The following ARID4B variants were observed in gnomAD, a reference collection of about 807,000 sequenced individuals.
The protein encoded by ARID4B is AT-rich interaction domain 4B.
ARID4B carries 26 observed loss-of-function variants against 147.5 expected under a neutral mutation model. The observed-to-expected ratio is 0.18, with a 90% CI of 0.13 to 0.24. The LOEUF (loss-of-function observed/expected upper bound fraction) is 0.24, where lower values mean the gene tolerates loss of function less well. Among genes scored for constraint, ARID4B ranks in the 10% least tolerant of loss-of-function variants. The pLI is 1.00. For synonymous variants in ARID4B, 512 were observed against 507.9 expected (o/e 1.01, Z -0.11); for missense variants, 1,179 against 1,511.5 (o/e 0.78, Z 3.65).
chr1:235,327,125 C>T lies in ARID4B; in HGVS notation c.-49-157G>A, dbSNP rs1572255927. 5 of 589,342 alleles carry T rather than the reference C, an allele frequency of 8.5e-6. No homozygotes were observed. The East Asian group carries it at 1.2e-4, about 14-fold the overall frequency. The allele number at this position is 589,342 out of a possible 1,614,324, so 36.5% of individuals were successfully genotyped here. A position where few individuals can be genotyped will look rare whatever the true frequency, so the allele number is the denominator to read the frequency against. On this transcript the variant is annotated intron_variant, in intron 1 of 23. Coordinates refer to ENST00000264183, the MANE Select transcript of ARID4B (RefSeq NM_016374.6). ...ATCACACGCCGACTCGGGGCTCCCT[C>T]CGGCCCCGCCATCCCCGCAAACCCA... is the stretch of plus-strand genomic sequence containing the variant.
At chr1:235,189,727 A>T (rs529949890) in intron 19 of ARID4B, among the ~76,000 whole-genome samples, 156 of 146,542 alleles carry the variant, frequency 1.1e-3, no homozygotes, top group African/African-American at 3.4e-3. Flanking sequence ...AGTGAAACAC[A>T]GTCTCAATTA....
chr1:235,309,653 G>A (rs1439149489), intron 2 of ARID4B, among the ~76,000 whole-genome samples: 45 of 102,740 alleles, frequency 4.4e-4, no homozygotes, highest in Admixed American at 5.3e-4. Context: ...CTGCCCGGCC[G>A]CCACCCCGTC....
chr1:235,261,753 C>G (rs1009889411), intron 2 of ARID4B, among the ~76,000 whole-genome samples: 1 of 152,120 alleles, frequency 6.6e-6, no homozygotes, highest in African/African-American at 2.4e-5. Flanking sequence ...GCTGCTCTTA[C>G]GTTTTACATT....
At chr1:235,319,471 A>C (rs1204444068) in intron 2 of ARID4B, among the ~76,000 whole-genome samples, 1 of 152,228 alleles carries the variant, frequency 6.6e-6, no homozygotes, top group East Asian at 1.9e-4. Flanking sequence ...TGATTGCGCC[A>C]CTACACTCCT....
chr1:235,244,742 C>T (rs1042550196), intron 7 of ARID4B, among the ~76,000 whole-genome samples: 2 of 152,102 alleles, frequency 1.3e-5, no homozygotes, highest in African/African-American at 4.8e-5. Flanking sequence ...TACAAAAATA[C>T]ATTTTAAATG....
chr1:235,215,547 A>ATATATGTGTGTG lies in ARID4B; in HGVS notation c.1584-1522_1584-1521insCACACACATATA, dbSNP rs1553293242. On this transcript the variant is annotated intron_variant, in intron 16 of 23. Transcript: ENST00000264183. ...TATATTACACCATGCACACATATAT[A>ATATATGTGTGTG]TGTGTGTGTGTGTGTGTGTGTGTGT... is the stretch of plus-strand genomic sequence containing the variant. Among the ~76,000 whole-genome samples, 10 of 136,498 alleles carry ATATATGTGTGTG rather than the reference A, an allele frequency of 7.3e-5. No individual in the cohort carries two copies. In the South Asian group the frequency reaches 2.5e-3, roughly 35 times the overall value. 89.5% of individuals were successfully genotyped at this position (136,498 alleles called of 152,430 possible). A position where few individuals can be genotyped will look rare whatever the true frequency, so the allele number is the denominator to read the frequency against.
intron 16 of ARID4B, among the ~76,000 whole-genome samples, chr1:235,215,774 G>A (rs1393289117): frequency 6.6e-6 from 1 of 151,546 alleles, no homozygotes; most frequent in Admixed American, 6.6e-5. Flanking sequence ...TTTTTGTAGA[G>A]ACAGGGGTCT....
chr1:235,173,826 C>CAT (rs59203627), intron 22 of ARID4B, among the ~76,000 whole-genome samples: 28,686 of 80,728 alleles, frequency 0.36, 5,359 homozygotes, highest in South Asian at 0.58. Flanking sequence ...ATACCTAAAA[C>CAT]ATATATATAT....
At chr1:235,216,766 G>C (rs933381555) in intron 16 of ARID4B, among the ~76,000 whole-genome samples, 4 of 150,358 alleles carry the variant, frequency 2.7e-5, no homozygotes, top group African/African-American at 9.8e-5. Flanking sequence ...ATTATTATGA[G>C]GAATTTTATT....
chr1:235,227,268 T>C (rs1392506717), intron 11 of ARID4B, among the ~76,000 whole-genome samples: 1 of 152,146 alleles, frequency 6.6e-6, no homozygotes, highest in African/African-American at 2.4e-5. Flanking sequence ...AATTGGACTA[T>C]AAAGGAGATT....
At chr1:235,253,357 T>C (rs570202418) in intron 5 of ARID4B, among the ~76,000 whole-genome samples, 6 of 152,318 alleles carry the variant, frequency 3.9e-5, no homozygotes, top group Non-Finnish European at 8.8e-5. Context: ...TCCTGGCCTC[T>C]ACCCACTAGA....
chr1:235,309,281 GCCGCC>G (rs1673836738), intron 2 of ARID4B, among the ~76,000 whole-genome samples: 1 of 75,942 alleles, frequency 1.3e-5, no homozygotes, highest in Non-Finnish European at 2.8e-5. Context: ...CCGCCCGGCA[GCCGCC>G]CCATCTGAGA....
intron 9 of ARID4B, among the ~76,000 whole-genome samples, chr1:235,233,004 A>C (rs1668339410): frequency 6.6e-6 from 1 of 151,972 alleles, no homozygotes; most frequent in Non-Finnish European, 1.5e-5. Context: ...TGCCTGGCTA[A>C]TTTTTGTATT....
At chr1:235,181,398 C>A in intron 20 of ARID4B, 187 bp downstream of exon 20, 1 of 822,026 alleles carries the variant, frequency 1.2e-6, no homozygotes, top group Non-Finnish European at 1.8e-6. Flanking sequence ...CACATTAAAG[C>A]CTTCTCAAGC....
intron 6 of ARID4B, among the ~76,000 whole-genome samples, chr1:235,247,359 G>A (rs1669361305): frequency 6.6e-6 from 1 of 152,094 alleles, no homozygotes; most frequent in African/African-American, 2.4e-5. Context: ...TATGTAAAAA[G>A]AAATGTTATA....
chr1:235,254,510 A>C (rs1218823205), intron 5 of ARID4B, among the ~76,000 whole-genome samples: 1 of 151,952 alleles, frequency 6.6e-6, no homozygotes, highest in Non-Finnish European at 1.5e-5. Flanking sequence ...AATTTGAAGA[A>C]TACATTAGAA....
intron 23 of ARID4B, among the ~76,000 whole-genome samples, chr1:235,170,406 T>C (rs900487410): frequency 3.3e-5 from 5 of 152,128 alleles, no homozygotes; most frequent in Admixed American, 6.6e-5. Flanking sequence ...AGATATGATA[T>C]GCAAATTTAA....
intron 17 of ARID4B, among the ~76,000 whole-genome samples, chr1:235,211,565 G>GT: frequency 6.6e-6 from 1 of 152,200 alleles, no homozygotes; most frequent in East Asian, 1.9e-4. Flanking sequence ...GTAATTATTC[G>GT]TTTTTGCTAA....
Position 235,221,633 on chromosome 1 carries a change from G to A in ARID4B, c.1095C>T (p.Val365=). Residue 365 remains valine, a synonymous_variant, in exon 14 of 24, where the codon GTC becomes GTT. Coordinates refer to ENST00000264183, the MANE Select transcript of ARID4B (RefSeq NM_016374.6). ...AGACAGGGATTCCAAGATCTTGGTA[G>A]ACTTGTTTCCAAACAGCTCCACTTT... ...NIESGAVWKQ[V]YQDLGIPVLN... 6.2e-7 allele frequency: 1 copy of A among 1,610,800 alleles called. No homozygotes were observed. The highest frequency in any genetic ancestry group is 8.5e-7 in the Non-Finnish European group (1 of 1,177,904).
Sources: gnomAD v4.1 joint callset for allele counts (sites outside exome capture counted in the v4.1 genomes callset) on GRCh38, gnomAD v4.1.1 for gene constraint, MANE v1.5 for transcripts, NCBI Gene and HGNC (gene_info 2026-07-23, HGNC 2026-07-21) for gene names.